USP19: variants seen among roughly 807,000 people sequenced by gnomAD.
The protein encoded by USP19 is ubiquitin carboxyl-terminal hydrolase 19.
Under a neutral mutation model 144.8 loss-of-function variants are expected in USP19, and 40 were observed. The ratio of observed to expected loss-of-function variants is 0.28; its 90% CI spans 0.21 to 0.36. USP19 has a LOEUF of 0.36. Ranked by LOEUF, USP19 falls within the 10% of genes least tolerant of loss-of-function variation. The pLI is 1.00. For missense variants in USP19, 1,518 were observed against 1,822.5 expected (o/e 0.83, Z 3.04); for synonymous variants, 701 against 709.3 (o/e 0.99, Z 0.19).
rs1199622841 is a variant in USP19 at position 49,114,880 on chromosome 3, G to A, written c.2182-7C>T. ...ATGCTTCCTCAGCTACCACCTGAGA[G>A]GCAGAGTGGTGAGAACCAAAGAGTA... On this transcript the variant is annotated splice_polypyrimidine_tract_variant and splice_region_variant and intron_variant, in intron 14 of 26. Coordinates refer to ENST00000417901, the MANE Select transcript of USP19 (RefSeq NM_001199161.2). This position sits in a 1 kb window ranked among gnomAD's most constrained non-coding sequence, Gnocchi z 4.5. 2.5e-6 allele frequency: 4 copies of A among 1,614,034 alleles called. No homozygotes were observed. Among genetic ancestry groups the A allele is most frequent in the Non-Finnish European group, 3.4e-6 (4 of 1,180,004 alleles).
Position 49,108,879 on chromosome 3 carries a change from A to C in USP19, c.4039-351T>G, listed in dbSNP as rs953394105. 1.3e-6 allele frequency: 2 copies of C among 1,512,900 alleles called. No individual in the cohort carries two copies. The highest frequency in any genetic ancestry group is 1.8e-6 in the Non-Finnish European group (2 of 1,131,092). 93.7% of individuals were successfully genotyped at this position (1,512,900 alleles called of 1,614,324 possible). On this transcript the variant is annotated intron_variant, in intron 26 of 26. Coordinates refer to ENST00000417901, the MANE Select transcript of USP19 (RefSeq NM_001199161.2). The surrounding 1 kb of genome is among the most constrained non-coding windows in gnomAD (Gnocchi z 4.8). ...GCATAAGCTGAGGCCCAAAGCCCAG[A>C]GGTGTTCCCCACAACAAAGGCAGGC... is the stretch of plus-strand genomic sequence containing the variant.
chr3:49,115,355 G>A lies in USP19; in HGVS notation c.1895C>T (p.Ser632Phe), dbSNP rs756669267. The A allele has an allele frequency of 1.9e-6, 3 of 1,614,178 alleles. No homozygotes were observed. The South Asian group carries it at 3.3e-5, about 18-fold the overall frequency. The change falls in exon 13 of 27, where the codon TCC becomes TTC. Residue 632 changes from serine to phenylalanine, a missense_variant. Around this residue, in one of 5 missense-constraint regions of USP19, gnomAD observed 158 missense variants for 277.3 expected, o/e 0.57. Coordinates refer to ENST00000417901, the MANE Select transcript of USP19 (RefSeq NM_001199161.2). This position sits in a 1 kb window ranked among gnomAD's most constrained non-coding sequence, Gnocchi z 6.6. ...RELRDFFHDRSFEAEINYNNP... is the reference protein window; with the variant it reads ...RELRDFFHDRFFEAEINYNNP... ...GTTGTAGTTGATCTCAGCCTCAAAG[G>A]AGCGGTCTAGGAATAGTAGCCGAGC...
Position 49,111,295 on chromosome 3 carries a change from T to C in USP19, c.3288A>G (p.Lys1096=). ...NAHTPQFFIY[K]IDSSNREQRL... ...GCTGCTCTCGGTTGGATGAATCAATTTTATAGATGAAGAACTGGGGTGTGT... is the reference window on the plus strand; with the variant it reads ...GCTGCTCTCGGTTGGATGAATCAATCTTATAGATGAAGAACTGGGGTGTGT... Residue 1096 remains lysine, a synonymous_variant, in exon 22 of 27, where the codon AAA becomes AAG. Coordinates refer to ENST00000417901, the MANE Select transcript of USP19 (RefSeq NM_001199161.2). The surrounding 1 kb of genome is among the most constrained non-coding windows in gnomAD (Gnocchi z 5.9). The C allele has an allele frequency of 1.2e-6, 2 of 1,614,178 alleles. No individual in the cohort carries two copies. Among genetic ancestry groups the C allele is most frequent in the Non-Finnish European group, 1.7e-6 (2 of 1,180,028 alleles).
At chr3:49,109,113 A>C (rs1575415611) in intron 26 of USP19, 3 of 1,565,406 alleles carry the variant, frequency 1.9e-6, no homozygotes, top group Non-Finnish European at 2.6e-6. Context: ...TGGGGCCCCC[A>C]GGGACCCAGG....
At chr3:49,109,142 A>T in intron 26 of USP19, 1 of 1,518,632 alleles carries the variant, frequency 6.6e-7, no homozygotes, top group Non-Finnish European at 8.8e-7. Flanking sequence ...CCCCTCAGGC[A>T]CCGGCTCCTC....
rs1203504735 is a variant in USP19, at chr3:49,114,014, G to A, written c.2483C>T (p.Pro828Leu). The A allele has an allele frequency of 1.9e-6, 3 of 1,614,206 alleles. No homozygotes were observed. Among genetic ancestry groups the A allele is most frequent in the Non-Finnish European group, 2.5e-6 (3 of 1,180,044 alleles). Residue 828 changes from proline to leucine, a missense_variant, in exon 17 of 27, where the codon CCT (proline) becomes CTT (leucine). Physicochemically the swap from Pro to Leu is moderately conservative, Grantham distance 98. Transcript: ENST00000417901. The surrounding 1 kb of genome is among the most constrained non-coding windows in gnomAD (Gnocchi z 4.5). Reference protein sequence around the residue: ...DSLSQSVHVKPENLRLAEVIK... With the variant: ...DSLSQSVHVKLENLRLAEVIK... The stretch of plus-strand genomic sequence containing the variant: ...TACCTCCGCCAAACGCAGGTTCTCA[G>A]GCTTCACATGAACACTCTGAGAGAG...
In USP19 at chr3:49,112,203, G is replaced by A. The variant is rs2043277016; in HGVS notation, c.2765+81C>T. 6.4e-7 allele frequency: 1 copy of A among 1,550,638 alleles called. No homozygotes were observed. The highest frequency in any genetic ancestry group is 1.4e-5 in the African/African-American group (1 of 73,290). On this transcript the variant is annotated intron_variant, in intron 19 of 26. Transcript: ENST00000417901. This position sits in a 1 kb window ranked among gnomAD's most constrained non-coding sequence, Gnocchi z 4.9. ...TGGCAAGTAGAAAGCTTAAGCATATGTGCCTTGGTGTGAAGGGAAGGAGCA... is the reference window on the plus strand; with the variant it reads ...TGGCAAGTAGAAAGCTTAAGCATATATGCCTTGGTGTGAAGGGAAGGAGCA...
In USP19 at chr3:49,114,976, C is replaced by G; in HGVS notation, c.2164G>C (p.Asp722His). ...ACCCTGACCTCATCGGGCCGCCCATCTGAATCCACGGTCTCTGTGTAGGGC... is the reference window on the plus strand; with the variant it reads ...ACCCTGACCTCATCGGGCCGCCCATGTGAATCCACGGTCTCTGTGTAGGGC... The part of the protein sequence containing the change: ...NKPYTETVDS[D>H]GRPDEVVAEE... The change falls in exon 14 of 27, where the codon GAT (aspartate) becomes CAT (histidine). Residue 722 changes from aspartate to histidine, a missense_variant. This residue lies in a region of USP19 where 158 missense variants were observed against 277.3 expected (regional missense o/e 0.57). Transcript: ENST00000417901. This position sits in a 1 kb window ranked among gnomAD's most constrained non-coding sequence, Gnocchi z 4.5. The G allele has an allele frequency of 2.5e-6, 4 of 1,614,198 alleles. No homozygotes were observed. The highest frequency in any genetic ancestry group is 3.4e-6 in the Non-Finnish European group (4 of 1,180,036).
At position 49,119,301 on chromosome 3, in the gene USP19, G is replaced by T. The variant is rs978562683; in HGVS notation, c.-136-20C>A. 4 of 1,026,598 alleles carry T rather than the reference G, an allele frequency of 3.9e-6. No individual in the cohort carries two copies. The highest frequency in any genetic ancestry group is 5.5e-6 in the Non-Finnish European group (4 of 727,244). The allele number at this position is 1,026,598 out of a possible 1,614,324, so 63.6% of individuals were successfully genotyped here. A position where few individuals can be genotyped will look rare whatever the true frequency, so the allele number is the denominator to read the frequency against. On this transcript the variant is annotated intron_variant, in intron 1 of 26. Transcript: ENST00000417901. ...GACAGCCTAATGGAAAGAAGCCAGT[G>T]ATCACTGCCAAGACCCAACAACTTG... is the stretch of plus-strand genomic sequence containing the variant.
rs1443293146 is a variant in USP19 at position 49,111,500 on chromosome 3, C to T, written c.3217G>A (p.Ala1073Thr). The change falls in exon 21 of 27, where the codon GCT (alanine) becomes ACT (threonine). Residue 1073 changes from alanine to threonine, a missense_variant and splice_region_variant. Ala to Thr is a moderately conservative substitution (Grantham distance 58). Around this residue, in one of 5 missense-constraint regions of USP19, gnomAD observed 413 missense variants for 515.8 expected, o/e 0.80. Coordinates refer to ENST00000417901, the MANE Select transcript of USP19 (RefSeq NM_001199161.2). This position sits in a 1 kb window ranked among gnomAD's most constrained non-coding sequence, Gnocchi z 5.9. ...TCTAGAGCCTTTCACTGGATCTTACCTTCGGGTCGGGACACCCTCTCGCCA... is the reference window on the plus strand; with the variant it reads ...TCTAGAGCCTTTCACTGGATCTTACTTTCGGGTCGGGACACCCTCTCGCCA... ...PAGERVSRPE[A>T]AVPGYQHPSE... 1.2e-6 allele frequency: 2 copies of T among 1,611,506 alleles called. No individual in the cohort carries two copies. Among genetic ancestry groups the T allele is most frequent in the Admixed American group, 3.3e-5 (2 of 59,990 alleles).
At chr3:49,118,682 C>T (rs1207321557) in intron 2 of USP19, among the ~76,000 whole-genome samples, 5 of 151,140 alleles carry the variant, frequency 3.3e-5, no homozygotes, top group East Asian at 1.9e-4. Flanking sequence ...AGGAGGTGGA[C>T]GTTGCAGTGA....
At chr3:49,118,250 A>G in intron 2 of USP19, 130 bp from the exon 3 acceptor site, 1 of 372,114 alleles carries the variant, frequency 2.7e-6, no homozygotes, top group South Asian at 4.5e-5. Context: ...TCTGTGCAAG[A>G]GTGAGACCCT....
Position 49,116,833 on chromosome 3 carries a change from C to T in USP19, c.1020G>A (p.Gly340=), listed in dbSNP as rs1371150321. 3.7e-6 allele frequency: 6 copies of T among 1,613,986 alleles called. No homozygotes were observed. The highest frequency in any genetic ancestry group is 5.1e-6 in the Non-Finnish European group (6 of 1,180,026). ...PLAGEKAVPP[G]NDPVSPAMVR... ...CCATGGCTGGAGAGACTGGGTCATT[C>T]CCGGGAGGCACTGCTTTCTCTCCTG... The change falls in exon 7 of 27, where the codon GGG becomes GGA. Residue 340 remains glycine, a synonymous_variant. Transcript: ENST00000417901. The surrounding 1 kb of genome is among the most constrained non-coding windows in gnomAD (Gnocchi z 5.0).
chr3:49,116,831 T>A lies in USP19; in HGVS notation c.1022A>T (p.Asn341Ile). Residue 341 changes from asparagine (N) to isoleucine (I), a missense_variant, in exon 7 of 27, where the codon AAT becomes ATT. Transcript: ENST00000417901. The surrounding 1 kb of genome is among the most constrained non-coding windows in gnomAD (Gnocchi z 5.0). Reference sequence around the variant, plus strand: ...GACCATGGCTGGAGAGACTGGGTCATTCCCGGGAGGCACTGCTTTCTCTCC... The same window carrying A: ...GACCATGGCTGGAGAGACTGGGTCAATCCCGGGAGGCACTGCTTTCTCTCC... ...LAGEKAVPPG[N>I]DPVSPAMVRS... The A allele has an allele frequency of 1.9e-6, 3 of 1,614,046 alleles. No individual in the cohort carries two copies. The highest frequency in any genetic ancestry group is 2.5e-6 in the Non-Finnish European group (3 of 1,180,012).
rs80242485 is a variant in USP19 at position 49,116,779 on chromosome 3, G to A, written c.1074C>T (p.Asp358=). 17 of 1,613,840 alleles carry A rather than the reference G, an allele frequency of 1.1e-5. No individual in the cohort carries two copies. The East Asian group carries it at 3.8e-4, about 36-fold the overall frequency. ...CCACTGCCATCTCCTCCTTGGCACA[G>A]TCATCTTTCCCAGGGTTTCTGCTCC... ...MVRSRNPGKD[D]CAKEEMAVAA... Residue 358 remains aspartate, a synonymous_variant, in exon 7 of 27, where the codon GAC becomes GAT. Coordinates refer to ENST00000417901, the MANE Select transcript of USP19 (RefSeq NM_001199161.2). This position sits in a 1 kb window ranked among gnomAD's most constrained non-coding sequence, Gnocchi z 5.0.
chr3:49,110,847 T>C lies in USP19; in HGVS notation c.3562A>G (p.Lys1188Glu). 6.2e-7 allele frequency: 1 copy of C among 1,614,194 alleles called. No individual in the cohort carries two copies. Among genetic ancestry groups the C allele is most frequent in the Middle Eastern group, 1.7e-4 (1 of 6,060 alleles). The change falls in exon 24 of 27, where the codon AAA becomes GAA. Residue 1188 changes from lysine to glutamate, a missense_variant. Around this residue, in one of 5 missense-constraint regions of USP19, gnomAD observed 122 missense variants for 200.4 expected, o/e 0.61. Transcript: ENST00000417901. This position sits in a 1 kb window ranked among gnomAD's most constrained non-coding sequence, Gnocchi z 6.1. ...TGCTTGGAGGCCTCACGGTGCTGTT[T>C]GCACTGTGGGCAGTACCTGGTGGGG... ...PEEAWYCPQCKQHREASKQLL... is the reference protein window; with the variant it reads ...PEEAWYCPQCEQHREASKQLL...
Position 49,115,384 on chromosome 3 carries a change from G to A in USP19, c.1889-23C>T. The A allele has an allele frequency of 5.0e-6, 8 of 1,614,204 alleles. No individual in the cohort carries two copies. The highest frequency in any genetic ancestry group is 6.8e-6 in the Non-Finnish European group (8 of 1,180,028). ...GGTCTAGGAATAGTAGCCGAGCAAA[G>A]GTGTGAGGAACAAAGGCACTCTCTC... On this transcript the variant is annotated intron_variant, in intron 12 of 26. Transcript: ENST00000417901. The surrounding 1 kb of genome is among the most constrained non-coding windows in gnomAD (Gnocchi z 6.6).
At position 49,117,271 on chromosome 3, in the gene USP19, G is replaced by A; in HGVS notation, c.697C>T (p.Pro233Ser). The change falls in exon 6 of 27, where the codon CCT becomes TCT. Residue 233 changes from proline (P) to serine (S), a missense_variant. Around this residue, in one of 5 missense-constraint regions of USP19, gnomAD observed 707 missense variants for 728.9 expected, o/e 0.97. Coordinates refer to ENST00000417901, the MANE Select transcript of USP19 (RefSeq NM_001199161.2). The surrounding 1 kb of genome is among the most constrained non-coding windows in gnomAD (Gnocchi z 4.4). ...TCCTGCTTAGCCCGGTGGGGCTCAG[G>A]GCCTGGCTCCAGGGCAATGGGAGAC... is the stretch of plus-strand genomic sequence containing the variant. Reference protein sequence around the residue: ...ELSPIALEPGPEPHRAKQEAR... With the variant: ...ELSPIALEPGSEPHRAKQEAR... 1 of 1,568,534 alleles carries A rather than the reference G, an allele frequency of 6.4e-7. No homozygotes were observed. The highest frequency in any genetic ancestry group is 8.6e-7 in the Non-Finnish European group (1 of 1,156,696).
chr3:49,119,004 T>C lies in USP19; in HGVS notation c.124+18A>G, dbSNP rs778686397. On this transcript the variant is annotated intron_variant, in intron 2 of 26. Coordinates refer to ENST00000417901, the MANE Select transcript of USP19 (RefSeq NM_001199161.2). ...GAGGCAGAGAAGGCCACAATTACTC[T>C]GGGAATGCCACTCCCACCTTTCCTA... The C allele has an allele frequency of 1.9e-6, 3 of 1,613,680 alleles. No individual in the cohort carries two copies. The highest frequency in any genetic ancestry group is 2.7e-5 in the African/African-American group (2 of 74,930).
Sources: allele counts gnomAD v4.1 joint callset (sites outside exome capture counted in the v4.1 genomes callset), GRCh38; gene constraint gnomAD v4.1.1; regional missense constraint gnomAD v4.1.1; non-coding constraint Gnocchi (gnomAD v3.1); transcripts MANE v1.5; gene names NCBI Gene and HGNC (gene_info 2026-07-23, HGNC 2026-07-21).